The following PDE6B variants were observed in gnomAD, a reference collection of about 807,000 sequenced individuals.
PDE6B encodes the protein phosphodiesterase 6B.
A neutral mutation model predicts 109.0 loss-of-function variants in PDE6B; 106 were observed. That is an observed-to-expected ratio of 0.97 (90% CI 0.83 to 1.14). The LOEUF is 1.14. Among genes scored for constraint, PDE6B ranks in the 50% most tolerant of loss-of-function variants. The pLI, the probability that PDE6B is intolerant of heterozygous loss-of-function variation, is 0.00. For missense variants in PDE6B, 1,193 were observed against 1,155.6 expected, an observed-to-expected ratio of 1.03 and a Z score of -0.47; for synonymous variants, 490 against 471.3, an observed-to-expected ratio of 1.04 and a Z score of -0.51.
At chr4:660,993 G>GGA (rs1737027574) in intron 12 of PDE6B, among the ~76,000 whole-genome samples, 1 of 140,728 alleles carries the variant, frequency 7.1e-6, no homozygotes, top group Non-Finnish European at 1.6e-5. Context: ...AAATGGATGG[G>GGA]TGGGTGGGCC....
chr4:658,785 T>C (rs1175679605), intron 10 of PDE6B, among the ~76,000 whole-genome samples, 167 bp from the exon 11 acceptor site: 2 of 152,160 alleles, frequency 1.3e-5, no homozygotes, highest in Non-Finnish European at 2.9e-5. Flanking sequence ...CAGCAGGCCA[T>C]GCACACGGTC....
intron 17 of PDE6B, 33 bp downstream of exon 17, chr4:664,254 T>C (rs772874179): frequency 1.7e-6 from 2 of 1,195,478 alleles, no homozygotes; most frequent in Admixed American, 1.7e-5. Context: ...CGAGGGGTCC[T>C]TCCCTCGCAG....
chr4:663,068 C>T lies in PDE6B; in HGVS notation c.1833-32C>T. 3 of 1,309,924 alleles carry T rather than the reference C, an allele frequency of 2.3e-6. No individual in the cohort carries two copies. Among genetic ancestry groups the T allele is most frequent in the East Asian group, 2.3e-5 (1 of 43,450 alleles). The allele number at this position is 1,309,924 out of a possible 1,614,324, so 81.1% of individuals were successfully genotyped here. ...CGCAGGGTGGGCCAAGGGCAGGTCC[C>T]ACGGGCCTCACCTCCACCACCTGTG... is the stretch of plus-strand genomic sequence containing the variant. On this transcript the variant is annotated intron_variant, in intron 14 of 21. Transcript: ENST00000496514. The surrounding 1 kb of genome is among the most constrained non-coding windows in gnomAD (Gnocchi z 4.0).
intron 3 of PDE6B, among the ~76,000 whole-genome samples, chr4:642,370 G>T (rs1330274147): frequency 6.6e-6 from 1 of 152,046 alleles, no homozygotes; most frequent in Non-Finnish European, 1.5e-5. Flanking sequence ...CAGCTACTTG[G>T]GAGGCTGAGA....
chr4:638,786 T>C (rs1734812267), intron 3 of PDE6B, among the ~76,000 whole-genome samples: 1 of 152,180 alleles, frequency 6.6e-6, no homozygotes, highest in Non-Finnish European at 1.5e-5. Context: ...CTGGTGTTTA[T>C]CCTGCACCTT....
At chr4:664,028 G>C in intron 16 of PDE6B, 86 bp from the exon 17 acceptor site, 1 of 1,182,204 alleles carries the variant, frequency 8.5e-7, no homozygotes, top group South Asian at 1.2e-5. Context: ...GCCTCGCTCG[G>C]GCTCCGCGCC....
chr4:662,608 T>C lies in PDE6B; in HGVS notation c.1822T>C (p.Tyr608His). ...CGACCACCGCGGCACCAACAACCTG[T>C]ACCAGATGAAGTAGGCACCTCAGGG... is the stretch of plus-strand genomic sequence containing the variant. ...DIDHRGTNNL[Y>H]QMKSQNPLAK... Residue 608 changes from tyrosine to histidine, a missense_variant, in exon 14 of 22, where the codon TAC (tyrosine) becomes CAC (histidine). Transcript: ENST00000496514. This position sits in a 1 kb window ranked among gnomAD's most constrained non-coding sequence, Gnocchi z 4.3. 1 of 1,605,114 alleles carries C rather than the reference T, an allele frequency of 6.2e-7. No homozygotes were observed. Among genetic ancestry groups the C allele is most frequent in the Non-Finnish European group, 8.5e-7 (1 of 1,172,670 alleles).
At chr4:655,476 G>A in intron 6 of PDE6B, 2 of 308,316 alleles carry the variant, frequency 6.5e-6, no homozygotes, top group Non-Finnish European at 1.2e-5. Context: ...GGGTGGCAGG[G>A]CAGGCACCAA....
Position 663,790 on chromosome 4 carries a change from C to T in PDE6B, c.1941C>T (p.Asn647=). The T allele has an allele frequency of 6.2e-7, 1 of 1,612,168 alleles. No homozygotes were observed. The highest frequency in any genetic ancestry group is 2.2e-5 in the East Asian group (1 of 44,856). Residue 647 remains asparagine, a synonymous_variant, in exon 16 of 22, where the codon AAC becomes AAT. Transcript: ENST00000496514. The surrounding 1 kb of genome is among the most constrained non-coding windows in gnomAD (Gnocchi z 4.0). ...CGCAGACCCTGAACATCTACCAGAA[C>T]CTGAACCGGCGGCAGCACGAGCACG... is the stretch of plus-strand genomic sequence containing the variant. ...LSEETLNIYQ[N]LNRRQHEHVI... is the part of the protein sequence containing the mutation.
Position 633,363 on chromosome 4 carries a change from A to C in PDE6B, c.469-1314A>C, listed in dbSNP as rs1734484536. Reference sequence around the variant, plus strand: ...TGGTTTTCCTTCAATGCCAGCCCACATGGCTATGGGCAGCAGCTGTATCTC... The same window carrying C: ...TGGTTTTCCTTCAATGCCAGCCCACCTGGCTATGGGCAGCAGCTGTATCTC... On this transcript the variant is annotated intron_variant, in intron 1 of 21. Transcript: ENST00000496514. This position sits in a 1 kb window ranked among gnomAD's most constrained non-coding sequence, Gnocchi z 4.5. Among the ~76,000 whole-genome samples the C allele has an allele frequency of 6.6e-6, 1 of 152,136 alleles. No homozygotes were observed. The highest frequency in any genetic ancestry group is 2.4e-5 in the African/African-American group (1 of 41,430).
chr4:625,789 G>T lies in PDE6B; in HGVS notation c.163G>T (p.Glu55Ter). ...CCTCCGGGACCTCTGCCAGGTGGAGGAGAGCACGGCGCTGCTGGAGCTGGT... is the reference window on the plus strand; with the variant it reads ...CCTCCGGGACCTCTGCCAGGTGGAGTAGAGCACGGCGCTGCTGGAGCTGGT... ...DSLRDLCQVEESTALLELVQD... is the reference protein window; with the variant it reads ...DSLRDLCQVE Residue 55 changes from glutamate to a stop codon, truncating the protein, a stop_gained, in exon 1 of 22, where the codon GAG (glutamate) becomes TAG (stop). Transcript: ENST00000496514. LOFTEE classifies it high-confidence loss of function. The surrounding 1 kb of genome is among the most constrained non-coding windows in gnomAD (Gnocchi z 5.0). 6 of 1,613,430 alleles carry T rather than the reference G, an allele frequency of 3.7e-6. No individual in the cohort carries two copies. Among genetic ancestry groups the T allele is most frequent in the Non-Finnish European group, 5.1e-6 (6 of 1,179,958 alleles).
chr4:664,215 T>C lies in PDE6B; in HGVS notation c.2123T>C (p.Ile708Thr), dbSNP rs776187472. ...TCCCTGGAGACGACCCGGAAGGAGA[T>C]CGTCATGTGAGCGCGGGCGGAGGGG... ...YLSLETTRKEIVMAMMMTACD... is the reference protein window; with the variant it reads ...YLSLETTRKETVMAMMMTACD... The change falls in exon 17 of 22, where the codon ATC becomes ACC. Residue 708 changes from isoleucine to threonine, a missense_variant. Coordinates refer to ENST00000496514, the MANE Select transcript of PDE6B (RefSeq NM_000283.4). 1.3e-6 allele frequency: 2 copies of C among 1,584,774 alleles called. No homozygotes were observed. The highest frequency in any genetic ancestry group is 4.5e-5 in the East Asian group (2 of 44,732).
chr4:655,015 C>T, intron 6 of PDE6B, 127 bp downstream of exon 6: 1 of 741,084 alleles, frequency 1.3e-6, no homozygotes, highest in East Asian at 2.5e-5. Flanking sequence ...CTGGCCTGGC[C>T]CCACCTGTGG....
chr4:664,341 C>T, intron 17 of PDE6B, 120 bp downstream of exon 17: 1 of 721,540 alleles, frequency 1.4e-6, no homozygotes, highest in Non-Finnish European at 2.6e-6. Flanking sequence ...CCCGTCGCGG[C>T]AGCTTGTCGA....
At chr4:642,724 T>TCAAAAAAAAAAAAAAAAAA (rs1735002626) in intron 3 of PDE6B, among the ~76,000 whole-genome samples, 1 of 57,658 alleles carries the variant, frequency 1.7e-5, no homozygotes, top group Non-Finnish European at 2.8e-5. Context: ...AGACACTGTC[T>TCAAAAAAAAAAAAAAAAAA]CAAAAAAAAA....
chr4:658,599 C>T (rs1413482771), intron 10 of PDE6B, among the ~76,000 whole-genome samples: 1 of 152,074 alleles, frequency 6.6e-6, no homozygotes, highest in African/African-American at 2.4e-5. Context: ...GAGTACAGCC[C>T]TGGCATGCCC....
At chr4:640,999 T>G (rs1345208706) in intron 3 of PDE6B, among the ~76,000 whole-genome samples, 1 of 152,242 alleles carries the variant, frequency 6.6e-6, no homozygotes, top group East Asian at 1.9e-4. Flanking sequence ...TCTTCTGCAG[T>G]ATTGTGCTAG....
intron 3 of PDE6B, among the ~76,000 whole-genome samples, chr4:650,566 G>T (rs1267768172): frequency 6.6e-6 from 1 of 152,222 alleles, no homozygotes; most frequent in Non-Finnish European, 1.5e-5. Context: ...TCAGGGCACC[G>T]AGGGGACAGA....
chr4:653,005 A>G (rs1438795363), intron 3 of PDE6B: 2 of 179,710 alleles, frequency 1.1e-5, no homozygotes, highest in South Asian at 1.9e-4. Flanking sequence ...AATACACACA[A>G]TTATTCAACT....
Sources: gnomAD v4.1 joint callset for allele counts (sites outside exome capture counted in the v4.1 genomes callset) on GRCh38, gnomAD v4.1.1 for gene constraint, Gnocchi (gnomAD v3.1) non-coding constraint, MANE v1.5 for transcripts, NCBI Gene and HGNC (gene_info 2026-07-23, HGNC 2026-07-21) for gene names.